DLGAP1: variants seen among roughly 807,000 people sequenced by gnomAD.
The protein encoded by DLGAP1 is disks large-associated protein 1.
In DLGAP1, 11 loss-of-function variants were observed where a neutral mutation model predicts 90.8. The ratio of observed to expected loss-of-function variants is 0.12; its 90% CI spans 0.08 to 0.20. The LOEUF (loss-of-function observed/expected upper bound fraction) is 0.20. Among genes scored for constraint, DLGAP1 ranks in the 10% least tolerant of loss-of-function variants. DLGAP1 has a pLI of 1.00. For missense variants in DLGAP1, 1,050 were observed against 1,333.8 expected (o/e 0.79, Z 3.31); for synonymous variants, 558 against 540.7 (o/e 1.03, Z -0.44).
At chr18:3,847,456 A>C (rs1568233006) in intron 4 of DLGAP1, among the ~76,000 whole-genome samples, 1 of 152,124 alleles carries the variant, frequency 6.6e-6, no homozygotes, top group Non-Finnish European at 1.5e-5. Flanking sequence ...GAGTAAGAGC[A>C]CCAGGAAAAA....
intron 5 of DLGAP1, among the ~76,000 whole-genome samples, chr18:3,798,861 A>G (rs569524805): frequency 1.3e-5 from 2 of 152,142 alleles, no homozygotes; most frequent in African/African-American, 4.8e-5. Context: ...AATGGCCTCA[A>G]TAGACTTTTT....
At chr18:3,917,214 A>G (rs557553078) in intron 3 of DLGAP1, among the ~76,000 whole-genome samples, 116 of 152,356 alleles carry the variant, frequency 7.6e-4, no homozygotes, top group Non-Finnish European at 1.4e-3. Flanking sequence ...TCAATTTACA[A>G]TAGGTTTATT....
intron 5 of DLGAP1, among the ~76,000 whole-genome samples, chr18:3,800,024 T>C (rs2066212964): frequency 6.6e-6 from 1 of 152,166 alleles, no homozygotes; most frequent in South Asian, 2.1e-4. Context: ...AAATGGCCCC[T>C]AGATTGTTCT....
At chr18:4,120,511 A>G (rs2076134881) in intron 2 of DLGAP1, among the ~76,000 whole-genome samples, 1 of 152,202 alleles carries the variant, frequency 6.6e-6, no homozygotes, top group African/African-American at 2.4e-5. Flanking sequence ...AAAATCTGCA[A>G]TGTCAGTGAA....
At chr18:3,656,648 CAG>C (rs1372157165) in intron 7 of DLGAP1, among the ~76,000 whole-genome samples, 1 of 152,064 alleles carries the variant, frequency 6.6e-6, no homozygotes, top group African/African-American at 2.4e-5. Flanking sequence ...TCCCTCAAGT[CAG>C]AGAGTGAACG....
intron 2 of DLGAP1, among the ~76,000 whole-genome samples, chr18:4,092,026 C>T (rs145786216): frequency 2.1e-3 from 314 of 152,196 alleles, no homozygotes; most frequent in Middle Eastern, 6.8e-3. Context: ...AGTAGGCCTA[C>T]AGTGCTGGAG....
At chr18:4,361,179 T>G (rs1230468759) in intron 1 of DLGAP1, among the ~76,000 whole-genome samples, 2 of 152,132 alleles carry the variant, frequency 1.3e-5, no homozygotes, top group African/African-American at 2.4e-5. Flanking sequence ...ATAATGTTTC[T>G]ATGAAATAAC....
At chr18:3,551,681 C>CCCCTCCCT (rs1294062016) in intron 9 of DLGAP1, among the ~76,000 whole-genome samples, 1 of 5,370 alleles carries the variant, frequency 1.9e-4, no homozygotes, top group Non-Finnish European at 3.6e-4. Flanking sequence ...TCTTTTCCCT[C>CCCCTCCCT]CCCTCCCTCC....
chr18:3,905,735 A>T (rs1310865687), intron 3 of DLGAP1, among the ~76,000 whole-genome samples: 1 of 152,206 alleles, frequency 6.6e-6, no homozygotes, highest in Admixed American at 6.5e-5. Context: ...ATGTCAGAAG[A>T]TCCCCAAAGT....
intron 3 of DLGAP1, among the ~76,000 whole-genome samples, chr18:3,900,125 C>T (rs902252052): frequency 1.3e-5 from 2 of 152,140 alleles, no homozygotes; most frequent in Non-Finnish European, 2.9e-5. Context: ...AGCTGTAAGA[C>T]TGGACCCATA....
intron 3 of DLGAP1, among the ~76,000 whole-genome samples, chr18:3,960,088 T>G (rs947239961): frequency 2.6e-5 from 4 of 152,374 alleles, no homozygotes; most frequent in Non-Finnish European, 5.9e-5. Flanking sequence ...CACTGGATTC[T>G]TTTTCTCTGC....
intron 2 of DLGAP1, among the ~76,000 whole-genome samples, chr18:4,095,249 G>T (rs776988927): frequency 6.6e-6 from 1 of 152,106 alleles, no homozygotes; most frequent in Non-Finnish European, 1.5e-5. Flanking sequence ...TCATAAATTT[G>T]TGCCATTAAC....
At chr18:4,214,952 A>T (rs1027154363) in intron 1 of DLGAP1, among the ~76,000 whole-genome samples, 1 of 152,204 alleles carries the variant, frequency 6.6e-6, no homozygotes, top group African/African-American at 2.4e-5. Flanking sequence ...AAAATGTACA[A>T]TAAAAAGAAC....
At chr18:3,669,347 G>C (rs1218757386) in intron 7 of DLGAP1, among the ~76,000 whole-genome samples, 8 of 152,120 alleles carry the variant, frequency 5.3e-5, no homozygotes, top group Non-Finnish European at 8.8e-5. Flanking sequence ...CACGGACCTA[G>C]GCGAGGACAG....
chr18:3,632,515 C>T (rs2058560905), intron 7 of DLGAP1, among the ~76,000 whole-genome samples: 1 of 152,092 alleles, frequency 6.6e-6, no homozygotes, highest in Non-Finnish European at 1.5e-5. Context: ...GTTGGCCAGG[C>T]TGGTCTTGAA....
chr18:4,431,340 G>C (rs1307499683), intron 1 of DLGAP1, among the ~76,000 whole-genome samples: 1 of 152,152 alleles, frequency 6.6e-6, no homozygotes, highest in Non-Finnish European at 1.5e-5. Flanking sequence ...TTTTAGACTT[G>C]GGTATAAACA....
intron 1 of DLGAP1, among the ~76,000 whole-genome samples, chr18:4,227,688 C>G (rs542658118): frequency 2.0e-5 from 3 of 151,098 alleles, no homozygotes; most frequent in Non-Finnish European, 4.4e-5. Context: ...CTATGGGATA[C>G]AGCAAAAGCA....
chr18:4,085,669 G>C (rs958256712), intron 2 of DLGAP1, among the ~76,000 whole-genome samples: 8 of 152,286 alleles, frequency 5.3e-5, no homozygotes, highest in Middle Eastern at 3.4e-3. Flanking sequence ...AGGACTTCTT[G>C]TTGACAACTC....
chr18:4,345,001 C>T (rs2081275834), intron 1 of DLGAP1, among the ~76,000 whole-genome samples: 1 of 152,182 alleles, frequency 6.6e-6, no homozygotes, highest in African/African-American at 2.4e-5. Flanking sequence ...CTCAGAGATA[C>T]TGACTCATTC....
Sources: allele counts gnomAD v4.1 joint callset (sites outside exome capture counted in the v4.1 genomes callset), GRCh38; gene constraint gnomAD v4.1.1; transcripts MANE v1.5; gene names NCBI Gene and HGNC (gene_info 2026-07-23, HGNC 2026-07-21).